The following ASIC2 variants were observed in gnomAD, a reference collection of about 807,000 sequenced individuals.
The protein encoded by ASIC2 is acid-sensing ion channel 2.
A neutral mutation model predicts 57.3 loss-of-function variants in ASIC2; 25 were observed. The observed-to-expected ratio is 0.44, with a 90% CI of 0.32 to 0.61. ASIC2 has a LOEUF of 0.61. Among genes scored for constraint, ASIC2 ranks in the 20% least tolerant of loss-of-function variants. The pLI, the probability that ASIC2 is intolerant of heterozygous loss-of-function variation, is 0.06. For missense variants in ASIC2, 641 were observed against 738.1 expected, an observed-to-expected ratio of 0.87 and a Z score of 1.52; for synonymous variants, 319 against 307.5, an observed-to-expected ratio of 1.04 and a Z score of -0.39.
chr17:33,022,228 T>TC (rs901840687), intron 6 of ASIC2, among the ~76,000 whole-genome samples: 2 of 152,154 alleles, frequency 1.3e-5, no homozygotes, highest in Non-Finnish European at 2.9e-5. Context: ...CATCTGCCTT[T>TC]CCCCCGTCTT....
At chr17:34,151,421 C>A (rs548536943) in intron 1 of ASIC2, among the ~76,000 whole-genome samples, 3 of 152,224 alleles carry the variant, frequency 2.0e-5, no homozygotes, top group South Asian at 2.1e-4. Flanking sequence ...AAAGGAATAA[C>A]CATGCATGAA....
At chr17:33,858,924 G>A (rs1914034606) in intron 1 of ASIC2, among the ~76,000 whole-genome samples, 1 of 152,224 alleles carries the variant, frequency 6.6e-6, no homozygotes, top group Non-Finnish European at 1.5e-5. Flanking sequence ...TGAGTGGATT[G>A]ACTCAGAAAT....
At chr17:33,030,159 C>T (rs2091876760) in intron 3 of ASIC2, among the ~76,000 whole-genome samples, 1 of 152,090 alleles carries the variant, frequency 6.6e-6, no homozygotes, top group Non-Finnish European at 1.5e-5. Flanking sequence ...AAAATGCATC[C>T]ATTTTAATGT....
At chr17:33,696,312 A>G (rs1410810848) in intron 1 of ASIC2, among the ~76,000 whole-genome samples, 1 of 152,180 alleles carries the variant, frequency 6.6e-6, no homozygotes, top group African/African-American at 2.4e-5. Flanking sequence ...TATCTGAAAT[A>G]CCATCTGTGT....
At chr17:33,560,890 C>T (rs988191329) in intron 1 of ASIC2, among the ~76,000 whole-genome samples, 2 of 152,152 alleles carry the variant, frequency 1.3e-5, no homozygotes, top group Admixed American at 6.5e-5. Context: ...TAATACACAG[C>T]AGAACTTCAA....
chr17:33,032,948 T>C (rs1267479994), intron 3 of ASIC2, among the ~76,000 whole-genome samples: 1 of 152,200 alleles, frequency 6.6e-6, no homozygotes, highest in African/African-American at 2.4e-5. Context: ...GGTTTACTTA[T>C]GGCAAAATTT....
intron 1 of ASIC2, among the ~76,000 whole-genome samples, chr17:33,551,476 G>A (rs1027802068): frequency 4.6e-5 from 7 of 152,150 alleles, no homozygotes; most frequent in Admixed American, 1.3e-4. Context: ...TGCTACCTTC[G>A]TCAAGTCAAA....
At chr17:33,855,156 G>A (rs978891356) in intron 1 of ASIC2, among the ~76,000 whole-genome samples, 1 of 152,166 alleles carries the variant, frequency 6.6e-6, no homozygotes, top group African/African-American at 2.4e-5. Flanking sequence ...TGACACACGA[G>A]GGAGATGATG....
At chr17:33,019,592 C>T (rs190755208) in intron 7 of ASIC2, among the ~76,000 whole-genome samples, 118 of 151,980 alleles carry the variant, frequency 7.8e-4, no homozygotes, top group African/African-American at 2.5e-3. Flanking sequence ...AAGGGCCGTG[C>T]GGTGCTGAGA....
intron 3 of ASIC2, among the ~76,000 whole-genome samples, chr17:33,074,254 C>A (rs887845407): frequency 2.0e-5 from 3 of 152,108 alleles, no homozygotes; most frequent in Non-Finnish European, 4.4e-5. Context: ...TCTACAGTAG[C>A]CATATAGTAA....
At chr17:33,593,616 T>C (rs1165096599) in intron 1 of ASIC2, among the ~76,000 whole-genome samples, 1 of 152,210 alleles carries the variant, frequency 6.6e-6, no homozygotes, top group Non-Finnish European at 1.5e-5. Context: ...AGGGTTACTC[T>C]GAGGAGGACA....
intron 1 of ASIC2, among the ~76,000 whole-genome samples, chr17:33,946,946 C>T (rs1904394854): frequency 6.6e-6 from 1 of 152,070 alleles, no homozygotes; most frequent in Non-Finnish European, 1.5e-5. Context: ...TATGTCCTCT[C>T]CATCCACATC....
intron 1 of ASIC2, among the ~76,000 whole-genome samples, chr17:33,427,597 T>C (rs4795783): frequency 0.74 from 111,905 of 152,022 alleles, 41,698 homozygotes; most frequent in Middle Eastern, 0.79. Context: ...ATCCCAGGAG[T>C]TTAAGGCTTT....
chr17:33,765,421 G>T (rs1239736030), intron 1 of ASIC2, among the ~76,000 whole-genome samples: 1 of 152,126 alleles, frequency 6.6e-6, no homozygotes, highest in Non-Finnish European at 1.5e-5. Flanking sequence ...GAGCATAATT[G>T]TAAAATAACT....
chr17:33,904,537 A>G (rs555410162), intron 1 of ASIC2, among the ~76,000 whole-genome samples: 10 of 152,338 alleles, frequency 6.6e-5, no homozygotes, highest in East Asian at 1.9e-4. Context: ...ACTCCCTGTC[A>G]TGCAACTAAG....
chr17:33,688,666 A>T (rs1357766840), intron 1 of ASIC2: 1 of 152,032 alleles, frequency 6.6e-6, no homozygotes, highest in East Asian at 1.9e-4. Context: ...CCTTCACCCC[A>T]CCCCCACTAG....
chr17:33,516,396 TTGTGAG>T (rs1035227341), intron 1 of ASIC2, among the ~76,000 whole-genome samples: 10 of 94,120 alleles, frequency 1.1e-4, no homozygotes, highest in African/African-American at 4.4e-4. Flanking sequence ...GTAAGTGTGT[TTGTGAG>T]TGTGAGTGTG....
intron 3 of ASIC2, among the ~76,000 whole-genome samples, chr17:33,054,429 T>A (rs1257635930): frequency 1.3e-5 from 2 of 152,228 alleles, no homozygotes; most frequent in African/African-American, 4.8e-5. Flanking sequence ...TAGTCCTTGA[T>A]GGCCTGCCTC....
At chr17:33,109,431 C>T (rs1029713313) in intron 2 of ASIC2, among the ~76,000 whole-genome samples, 3 of 152,098 alleles carry the variant, frequency 2.0e-5, no homozygotes, top group African/African-American at 7.2e-5. Context: ...CATCCCCTGC[C>T]CCTGCTTTAA....
Sources: gnomAD v4.1 joint callset for allele counts (sites outside exome capture counted in the v4.1 genomes callset) on GRCh38, gnomAD v4.1.1 for gene constraint, MANE v1.5 for transcripts, NCBI Gene and HGNC (gene_info 2026-07-23, HGNC 2026-07-21) for gene names.